Variants in FSIP1 observed in about 807,000 individuals in gnomAD.
FSIP1 encodes fibrous sheath-interacting protein 1.
Under a neutral mutation model 60.9 loss-of-function variants are expected in FSIP1, and 65 were observed. The observed-to-expected ratio is 1.07, with a 90% CI of 0.87 to 1.31. FSIP1 has a LOEUF of 1.31. FSIP1 is among the 40% of genes most tolerant of loss of function. FSIP1 has a pLI of 0.00. For missense variants in FSIP1, 675 were observed against 665.5 expected (o/e 1.01, Z -0.16); for synonymous variants, 209 against 221.2 (o/e 0.94, Z 0.49).
chr15:39,617,491 C>A (rs1595535529), intron 11 of FSIP1, among the ~76,000 whole-genome samples: 1 of 152,088 alleles, frequency 6.6e-6, no homozygotes, highest in East Asian at 1.9e-4. Flanking sequence ...CCTGTGAAAC[C>A]AACATTATTT....
intron 5 of FSIP1, among the ~76,000 whole-genome samples, chr15:39,757,225 A>T (rs1897327384): frequency 6.6e-6 from 1 of 152,110 alleles, no homozygotes. Flanking sequence ...TAATTTTTAA[A>T]TTTTTATACA....
chr15:39,620,531 A>C (rs1891400764), intron 10 of FSIP1, among the ~76,000 whole-genome samples: 1 of 151,988 alleles, frequency 6.6e-6, no homozygotes. Context: ...ATTTTAACAC[A>C]ATTTTTTCTT....
chr15:39,680,905 T>C (rs531462526), intron 10 of FSIP1, among the ~76,000 whole-genome samples: 5 of 152,328 alleles, frequency 3.3e-5, no homozygotes, highest in South Asian at 2.1e-4. Context: ...CCAGGCCTTA[T>C]GGAGAAAAGA....
At chr15:39,780,473 C>T (rs923068167) in intron 1 of FSIP1, among the ~76,000 whole-genome samples, 1 of 152,026 alleles carries the variant, frequency 6.6e-6, no homozygotes, top group Non-Finnish European at 1.5e-5. Context: ...TGCAGTGAGC[C>T]GAGATTGCAC....
At chr15:39,722,039 A>T (rs1896002768) in intron 9 of FSIP1, among the ~76,000 whole-genome samples, 1 of 152,144 alleles carries the variant, frequency 6.6e-6, no homozygotes. Context: ...GCAGGAGGTG[A>T]GCGGCAGGCC....
At chr15:39,776,368 G>T in intron 2 of FSIP1, 31 bp downstream of exon 2, 1 of 1,599,666 alleles carries the variant, frequency 6.3e-7, no homozygotes, top group Non-Finnish European at 8.5e-7. Flanking sequence ...GTTGGGGAAA[G>T]GAGTTTAAAT....
At chr15:39,733,899 T>C (rs1896511572) in intron 8 of FSIP1, among the ~76,000 whole-genome samples, 1 of 152,152 alleles carries the variant, frequency 6.6e-6, no homozygotes, top group Non-Finnish European at 1.5e-5. Context: ...TAGAAAAAAG[T>C]AAACTCTTTA....
chr15:39,618,090 G>A lies in FSIP1; in HGVS notation c.1344C>T (p.Ile448=), dbSNP rs992284730. The A allele has an allele frequency of 2.5e-6, 4 of 1,614,024 alleles. No homozygotes were observed. The highest frequency in any genetic ancestry group is 3.4e-6 in the Non-Finnish European group (4 of 1,180,024). The change falls in exon 11 of 12, where the codon ATC becomes ATT. Residue 448 remains isoleucine, a synonymous_variant. Transcript: ENST00000350221. ...TPVFPQLSRS[I]ISKLLNESET... is the part of the protein sequence containing the mutation. Reference sequence around the variant, plus strand: ...CTGATTCATTTAGCAATTTAGAGATGATGGACCTGGAAAGCTGGGGGAACA... The same window carrying A: ...CTGATTCATTTAGCAATTTAGAGATAATGGACCTGGAAAGCTGGGGGAACA...
intron 10 of FSIP1, among the ~76,000 whole-genome samples, chr15:39,638,026 C>A (rs1476434716): frequency 6.6e-6 from 1 of 152,184 alleles, no homozygotes; most frequent in Non-Finnish European, 1.5e-5. Flanking sequence ...AAAAGACTCC[C>A]TTGAGTTTCA....
chr15:39,677,637 C>T (rs1227820364), intron 10 of FSIP1, among the ~76,000 whole-genome samples: 1 of 152,082 alleles, frequency 6.6e-6, no homozygotes, highest in Non-Finnish European at 1.5e-5. Context: ...TCTAATAGCA[C>T]AAAATCTAAA....
chr15:39,657,735 C>T (rs1003088109), intron 10 of FSIP1, among the ~76,000 whole-genome samples: 5 of 152,002 alleles, frequency 3.3e-5, no homozygotes, highest in Non-Finnish European at 5.9e-5. Context: ...TCCTGGAGGA[C>T]ATAAAAATGA....
intron 11 of FSIP1, among the ~76,000 whole-genome samples, chr15:39,609,588 A>C (rs941517656): frequency 1.3e-5 from 2 of 152,172 alleles, no homozygotes; most frequent in African/African-American, 4.8e-5. Context: ...GGCTTCCCTG[A>C]GGGAAGCCTG....
intron 10 of FSIP1, among the ~76,000 whole-genome samples, chr15:39,698,191 G>GTATA (rs3065120): frequency 0.016 from 2,394 of 146,896 alleles, 50 homozygotes; most frequent in African/African-American, 0.055. Context: ...AATATTAATT[G>GTATA]TATATATATA....
At chr15:39,620,464 G>A (rs1286196270) in intron 10 of FSIP1, among the ~76,000 whole-genome samples, 1 of 151,980 alleles carries the variant, frequency 6.6e-6, no homozygotes, top group South Asian at 2.1e-4. Flanking sequence ...GTTAACTGGA[G>A]AAAATATCAA....
At chr15:39,606,949 C>T (rs907892821) in intron 11 of FSIP1, among the ~76,000 whole-genome samples, 1 of 152,152 alleles carries the variant, frequency 6.6e-6, no homozygotes, top group Admixed American at 6.5e-5. Flanking sequence ...AGACCTGATC[C>T]TTTTTGCTTC....
chr15:39,645,500 G>T (rs1353648718), intron 10 of FSIP1, among the ~76,000 whole-genome samples: 6 of 152,138 alleles, frequency 3.9e-5, no homozygotes, highest in Non-Finnish European at 8.8e-5. Flanking sequence ...AGCCTCCCTT[G>T]TGCTCTTGGG....
intron 10 of FSIP1, among the ~76,000 whole-genome samples, chr15:39,701,137 G>A (rs1248023743): frequency 6.6e-6 from 1 of 152,182 alleles, no homozygotes; most frequent in African/African-American, 2.4e-5. Context: ...GGGTGACAAA[G>A]TGAGACCCTG....
chr15:39,653,664 A>G lies in FSIP1; in HGVS notation c.1189-35419T>C, dbSNP rs141178642. On this transcript the variant is annotated intron_variant, in intron 10 of 11. Transcript: ENST00000350221. ...ATCATGGGGTCAGGTCTTTCCCATG[A>G]TGTTCTCATAACAGCGAATGAGTCT... 8.1e-3 allele frequency among the ~76,000 whole-genome samples: 1,229 copies of G among 152,226 alleles called. 16 individuals are homozygous for G. The highest frequency in any genetic ancestry group is 0.025 in the African/African-American group (1,019 of 41,538).
chr15:39,725,317 A>G (rs888134123), intron 9 of FSIP1, among the ~76,000 whole-genome samples: 1 of 152,234 alleles, frequency 6.6e-6, no homozygotes, highest in African/African-American at 2.4e-5. Flanking sequence ...TTCTAATCCC[A>G]CTGCAGAATT....
Sources: gnomAD v4.1 joint callset for allele counts (sites outside exome capture counted in the v4.1 genomes callset) on GRCh38, gnomAD v4.1.1 for gene constraint, MANE v1.5 for transcripts, NCBI Gene and HGNC (gene_info 2026-07-23, HGNC 2026-07-21) for gene names.